ENTPD1: variants seen among roughly 807,000 people sequenced by gnomAD.
ENTPD1 encodes the protein ectonucleoside triphosphate diphosphohydrolase 1, also known as ATP diphosphohydrolase.
Under a neutral mutation model 57.0 loss-of-function variants are expected in ENTPD1, and 33 were observed. The observed-to-expected ratio is 0.58, with a 90% CI of 0.44 to 0.77. The LOEUF is 0.77. Ranked by LOEUF, ENTPD1 falls within the 30% of genes least tolerant of loss-of-function variation. The probability of loss-of-function intolerance (pLI) is 0.00; values close to 1 mark genes in which losing one functional copy is unlikely to be tolerated. For missense variants in ENTPD1, 501 were observed against 603.4 expected (o/e 0.83, Z 1.78); for synonymous variants, 202 against 218.8 (o/e 0.92, Z 0.68).
chr10:95,831,492 A>G (rs2098396624), intron 2 of ENTPD1, among the ~76,000 whole-genome samples: 2 of 152,240 alleles, frequency 1.3e-5, no homozygotes, highest in Non-Finnish European at 2.9e-5. Context: ...AGTACATGCA[A>G]ATATGAGTCC....
intron 1 of ENTPD1, chr10:95,756,591 G>C (rs889206186): frequency 2.2e-5 from 7 of 322,738 alleles, no homozygotes; most frequent in Admixed American, 1.3e-4. Context: ...TCTGCAGTCC[G>C]GACTCATCTA....
chr10:95,819,277 C>A (rs953057430), intron 1 of ENTPD1, among the ~76,000 whole-genome samples: 9 of 152,150 alleles, frequency 5.9e-5, no homozygotes, highest in Admixed American at 5.9e-4. Context: ...GATCCTCTCA[C>A]CTCAGCCTCC....
intron 1 of ENTPD1, among the ~76,000 whole-genome samples, chr10:95,766,061 C>G (rs1336233727): frequency 6.6e-6 from 1 of 151,968 alleles, no homozygotes; most frequent in Non-Finnish European, 1.5e-5. Flanking sequence ...AGAAAAGTTA[C>G]AAGAACAATT....
intron 1 of ENTPD1, among the ~76,000 whole-genome samples, chr10:95,812,292 T>G (rs934709181): frequency 2.0e-5 from 3 of 152,364 alleles, no homozygotes; most frequent in African/African-American, 7.2e-5. Flanking sequence ...ATTTCTGTTC[T>G]TAGTTTTGCC....
chr10:95,752,617 A>G (rs576226607), upstream of ENTPD1, among the ~76,000 whole-genome samples: 6 of 152,178 alleles, frequency 3.9e-5, no homozygotes, highest in Non-Finnish European at 8.8e-5. Context: ...AGATGCTGAG[A>G]TCGCGACATT....
chr10:95,860,487 T>C lies in ENTPD1; in HGVS notation c.1093T>C (p.Phe365Leu). The change falls in exon 8 of 10, where the codon TTT becomes CTT. Residue 365 changes from phenylalanine (F) to leucine (L), a missense_variant. Coordinates refer to ENST00000371205, the MANE Select transcript of ENTPD1 (RefSeq NM_001776.6). ...CTTGTAGGCATTTTCAGCTTTTTAC[T>C]TTGTGATGAAGTTTTTAAACTTGAC... The part of the protein sequence containing the change: ...GDFGAFSAFY[F>L]VMKFLNLTSE... 1.9e-6 allele frequency: 3 copies of C among 1,613,650 alleles called. No homozygotes were observed. Among genetic ancestry groups the C allele is most frequent in the Non-Finnish European group, 2.5e-6 (3 of 1,179,686 alleles).
chr10:95,854,261 G>C (rs1173421076), intron 7 of ENTPD1, among the ~76,000 whole-genome samples: 1 of 152,196 alleles, frequency 6.6e-6, no homozygotes, highest in Non-Finnish European at 1.5e-5. Context: ...TTGTATTTCT[G>C]TGGGATCGGT....
intron 1 of ENTPD1, among the ~76,000 whole-genome samples, chr10:95,733,640 C>T (rs902027093): frequency 1.3e-5 from 2 of 152,228 alleles, no homozygotes; most frequent in Non-Finnish European, 2.9e-5. Flanking sequence ...TGTTCTCCTG[C>T]CATGGCTTCA....
At chr10:95,821,980 C>G (rs1247822410) in intron 1 of ENTPD1, among the ~76,000 whole-genome samples, 1 of 149,600 alleles carries the variant, frequency 6.7e-6, no homozygotes, top group Non-Finnish European at 1.5e-5. Context: ...TTACATCTGA[C>G]CAAAGTAGCT....
chr10:95,775,802 G>A (rs902960376), intron 1 of ENTPD1, among the ~76,000 whole-genome samples: 7 of 152,094 alleles, frequency 4.6e-5, no homozygotes, highest in East Asian at 3.9e-4. Context: ...CTAAGGACTC[G>A]CTTTATGAAT....
chr10:95,744,954 A>T (rs1338942189), intron 1 of ENTPD1, among the ~76,000 whole-genome samples: 1 of 152,056 alleles, frequency 6.6e-6, no homozygotes, highest in East Asian at 1.9e-4. Context: ...TCACTCATTT[A>T]TTTATTGTCT....
At chr10:95,808,720 C>CTT (rs60603484) in intron 1 of ENTPD1, among the ~76,000 whole-genome samples, 8,067 of 143,854 alleles carry the variant, frequency 0.056, 261 homozygotes, top group South Asian at 0.089. Context: ...ATTTTAGTTG[C>CTT]TTTTTTTTTT....
intron 1 of ENTPD1, among the ~76,000 whole-genome samples, chr10:95,760,811 A>ATTTT (rs1399145317): frequency 2.1e-5 from 1 of 48,414 alleles, no homozygotes; most frequent in Non-Finnish European, 4.1e-5. Context: ...CATAGAGTTT[A>ATTTT]TTCTTTTTTT....
intron 1 of ENTPD1, among the ~76,000 whole-genome samples, chr10:95,770,611 T>C (rs2098112746): frequency 6.6e-6 from 1 of 152,152 alleles, no homozygotes; most frequent in African/African-American, 2.4e-5. Context: ...TCTTTTTCAA[T>C]TGTGTTTTTC....
At chr10:95,790,589 C>T (rs1408752259) in intron 1 of ENTPD1, among the ~76,000 whole-genome samples, 1 of 152,136 alleles carries the variant, frequency 6.6e-6, no homozygotes, top group Admixed American at 6.6e-5. Flanking sequence ...TCATTACAAA[C>T]TATCAATATT....
At chr10:95,742,269 C>T (rs2098001137) in intron 1 of ENTPD1, among the ~76,000 whole-genome samples, 1 of 152,156 alleles carries the variant, frequency 6.6e-6, no homozygotes, top group Admixed American at 6.5e-5. Context: ...TTTTGCTTAA[C>T]ACTAGCTTTT....
intron 1 of ENTPD1, among the ~76,000 whole-genome samples, chr10:95,807,776 G>A (rs577716087): frequency 1.3e-5 from 2 of 152,276 alleles, no homozygotes; most frequent in South Asian, 4.1e-4. Context: ...TTTGTATTCT[G>A]AGACTTTGTT....
In ENTPD1 at chr10:95,866,251, A is replaced by G; in HGVS notation, c.1401A>G (p.Pro467=). Residue 467 remains proline, a synonymous_variant, in exon 10 of 10, where the codon CCA becomes CCG. Coordinates refer to ENST00000371205, the MANE Select transcript of ENTPD1 (RefSeq NM_001776.6). ...CCAACATGATCCCAGCTGAGCAACC[A>G]TTGTCCACACCTCTCTCCCACTCCA... ...NLTNMIPAEQ[P]LSTPLSHSTY... is the part of the protein sequence containing the mutation. 6.2e-7 allele frequency: 1 copy of G among 1,614,078 alleles called. No individual in the cohort carries two copies. The highest frequency in any genetic ancestry group is 8.5e-7 in the Non-Finnish European group (1 of 1,180,006).
chr10:95,859,525 G>C (rs933637694), intron 7 of ENTPD1, among the ~76,000 whole-genome samples: 2 of 152,204 alleles, frequency 1.3e-5, no homozygotes, highest in East Asian at 3.8e-4. Flanking sequence ...ACAGAGCTCA[G>C]TGTGTTTGCT....
Sources: gnomAD v4.1 joint callset for allele counts (sites outside exome capture counted in the v4.1 genomes callset) on GRCh38, gnomAD v4.1.1 for gene constraint, MANE v1.5 for transcripts, NCBI Gene and HGNC (gene_info 2026-07-23, HGNC 2026-07-21) for gene names.